Variants in ACP7 observed in about 807,000 individuals in gnomAD.
The protein encoded by ACP7 is acid phosphatase 7, tartrate resistant (putative).
Under a neutral mutation model 60.6 loss-of-function variants are expected in ACP7, and 58 were observed. The ratio of observed to expected loss-of-function variants is 0.96; its 90% CI spans 0.77 to 1.19. The LOEUF is 1.19. Among genes scored for constraint, ACP7 ranks in the 50% most tolerant of loss-of-function variants. The pLI is 0.00. For synonymous variants in ACP7, 237 were observed against 232.6 expected, an observed-to-expected ratio of 1.02 and a Z score of -0.17; for missense variants, 574 against 596.2, an observed-to-expected ratio of 0.96 and a Z score of 0.39.
At chr19:39,084,795 G>A (rs691644) in intron 1 of ACP7, among the ~76,000 whole-genome samples, 40,654 of 151,742 alleles carry the variant, frequency 0.27, 6,396 homozygotes, top group African/African-American at 0.45. Flanking sequence ...CCTCCACCCC[G>A]CTCCCAGACC....
intron 11 of ACP7, among the ~76,000 whole-genome samples, chr19:39,103,448 T>TTTA (rs2073378841): frequency 7.0e-6 from 1 of 142,516 alleles, no homozygotes; most frequent in African/African-American, 2.8e-5. Flanking sequence ...TGTGTTTTTT[T>TTTA]TTTTTTTTTT....
At position 39,098,533 on chromosome 19, in the gene ACP7, C is replaced by T. The variant is rs2073297129; in HGVS notation, c.197C>T (p.Pro66Leu). The T allele has an allele frequency of 1.9e-6, 3 of 1,611,574 alleles. No individual in the cohort carries two copies. Among genetic ancestry groups the T allele is most frequent in the South Asian group, 1.1e-5 (1 of 90,556 alleles). ...TCTGAAGTGCAATTCGGGTTGCAGCCGTCGGGGCCCCTGCCCCTCCGCGCC... is the reference window on the plus strand; with the variant it reads ...TCTGAAGTGCAATTCGGGTTGCAGCTGTCGGGGCCCCTGCCCCTCCGCGCC... ...TRSEVQFGLQ[P>L]SGPLPLRAQG... The change falls in exon 3 of 13, where the codon CCG becomes CTG. Residue 66 changes from proline (P) to leucine (L), a missense_variant. Coordinates refer to ENST00000331256, the MANE Select transcript of ACP7 (RefSeq NM_001004318.3).
intron 12 of ACP7, among the ~76,000 whole-genome samples, chr19:39,108,435 T>C (rs2073435153): frequency 6.6e-6 from 1 of 152,012 alleles, no homozygotes; most frequent in African/African-American, 2.4e-5. Flanking sequence ...GCCACTGTGC[T>C]GGGCCCACTT....
At chr19:39,098,868 TCTC>T (rs1454186481) in intron 3 of ACP7, 89 bp from the exon 4 acceptor site, 1 of 1,434,700 alleles carries the variant, frequency 7.0e-7, no homozygotes, top group East Asian at 2.3e-5. Flanking sequence ...AGTCCCCCCA[TCTC>T]CTCCCCTCCA....
At chr19:39,104,292 T>C (rs2073388884) in intron 11 of ACP7, among the ~76,000 whole-genome samples, 1 of 152,002 alleles carries the variant, frequency 6.6e-6, no homozygotes, top group Admixed American at 6.6e-5. Context: ...AGAGACATGT[T>C]ACTGTATTGC....
intron 2 of ACP7, among the ~76,000 whole-genome samples, chr19:39,088,031 CT>C (rs891498514): frequency 6.6e-6 from 1 of 151,090 alleles, no homozygotes; most frequent in Non-Finnish European, 1.5e-5. Flanking sequence ...ATAGTTTCTT[CT>C]TTTTTTTTAG....
chr19:39,102,715 T>TTTCTTTCTTTCCTTC (rs1555769414), intron 11 of ACP7, among the ~76,000 whole-genome samples: 1 of 118,616 alleles, frequency 8.4e-6, no homozygotes, highest in African/African-American at 3.3e-5. Flanking sequence ...CAATGAAGAC[T>TTTCTTTCTTTCCTTC]TTTCTTTCTT....
At chr19:39,103,542 T>G (rs568039783) in intron 11 of ACP7, among the ~76,000 whole-genome samples, 23 of 148,714 alleles carry the variant, frequency 1.5e-4, no homozygotes, top group African/African-American at 5.9e-4. Context: ...TTTTAAAAAT[T>G]TTGGCCACAT....
At chr19:39,101,386 C>G in intron 10 of ACP7, 31 bp downstream of exon 10, 3 of 1,614,040 alleles carry the variant, frequency 1.9e-6, no homozygotes, top group Non-Finnish European at 2.5e-6. Context: ...AGCGCCCACA[C>G]AGCTGGGGTC....
chr19:39,098,828 A>G (rs965718834), intron 3 of ACP7, 132 bp from the exon 4 acceptor site: 1 of 1,393,908 alleles, frequency 7.2e-7, no homozygotes, highest in Non-Finnish European at 9.6e-7. Flanking sequence ...CGGGGAAGGC[A>G]GACCGAAGGG....
rs1179741064 is a variant in ACP7 at position 39,110,179 on chromosome 19, A to G, written c.*61A>G. ...TGCCGCCTTGGCTGCTGTGACCAGA[A>G]ACTGCCCAGGCCTGGGTGGGGAGTT... On this transcript the variant is annotated 3_prime_UTR_variant, in exon 13 of 13. Transcript: ENST00000331256. 1.3e-6 allele frequency: 2 copies of G among 1,517,972 alleles called. No homozygotes were observed. Among genetic ancestry groups the G allele is most frequent in the Non-Finnish European group, 1.8e-6 (2 of 1,096,172 alleles). The allele number at this position is 1,517,972 out of a possible 1,614,324, so 94.0% of individuals were successfully genotyped here. A position where few individuals can be genotyped will look rare whatever the true frequency, so the allele number is the denominator to read the frequency against.
chr19:39,102,699 C>T (rs907344918), intron 11 of ACP7, among the ~76,000 whole-genome samples: 4 of 123,338 alleles, frequency 3.2e-5, no homozygotes, highest in African/African-American at 1.1e-4. Flanking sequence ...TATTACTAAG[C>T]TGTTCCAATG....
intron 11 of ACP7, among the ~76,000 whole-genome samples, chr19:39,103,441 G>GTGTGTTTTT (rs1230916229): frequency 3.1e-5 from 2 of 64,690 alleles, no homozygotes; most frequent in Non-Finnish European, 5.4e-5. Context: ...ATCATCATGT[G>GTGTGTTTTT]TTTTTTTTTT....
rs577494014 is a variant in ACP7, at chr19:39,106,994, G to A, written c.1161G>A (p.Trp387Ter). Residue 387 changes from tryptophan (W) to a stop codon, truncating the protein, a stop_gained, in exon 12 of 13, where the codon TGG becomes TGA. Coordinates refer to ENST00000331256, the MANE Select transcript of ACP7 (RefSeq NM_001004318.3). LOFTEE classifies it high-confidence loss of function. ...CCTTTGCTGTCTTCCCGAGGCCCTG[G>A]AGTGCCGTGCGTGTGAAGGAGTACG... ...LTPFAVFPRP[W>*]SAVRVKEYGY... 22 of 1,614,040 alleles carry A rather than the reference G, an allele frequency of 1.4e-5. No homozygotes were observed. In the East Asian group the frequency reaches 4.9e-4, roughly 36 times the overall value.
chr19:39,106,434 C>T (rs1022459450), intron 11 of ACP7, among the ~76,000 whole-genome samples: 1 of 152,134 alleles, frequency 6.6e-6, no homozygotes, highest in Non-Finnish European at 1.5e-5. Flanking sequence ...CTTACACAGC[C>T]GTGTACTTTT....
At chr19:39,088,235 C>T (rs1370839782) in intron 2 of ACP7, among the ~76,000 whole-genome samples, 2 of 151,956 alleles carry the variant, frequency 1.3e-5, no homozygotes, top group Non-Finnish European at 2.9e-5. Flanking sequence ...GTTGTCCAGG[C>T]TGGTCTCAAA....
rs987994006 is a variant in ACP7 at position 39,101,152 on chromosome 19, C to T, written c.918C>T (p.Val306=). 1.2e-6 allele frequency: 2 copies of T among 1,614,008 alleles called. No homozygotes were observed. The highest frequency in any genetic ancestry group is 2.7e-5 in the African/African-American group (2 of 74,938). The part of the protein sequence containing the change: ...LDDCTRHESK[V]RKGLQGKLYG... Reference sequence around the variant, plus strand: ...ACCCGCTCATTCACCCTGCCCAGGTCCGCAAAGGCCTCCAAGGCAAGCTGT... The same window carrying T: ...ACCCGCTCATTCACCCTGCCCAGGTTCGCAAAGGCCTCCAAGGCAAGCTGT... Residue 306 remains valine (V), a splice_region_variant and synonymous_variant, in exon 9 of 13, where the codon GTC becomes GTT. Transcript: ENST00000331256.
intron 3 of ACP7, 111 bp downstream of exon 3, chr19:39,098,769 C>CTA: frequency 1.5e-6 from 2 of 1,365,970 alleles, no homozygotes; most frequent in Non-Finnish European, 2.0e-6. Context: ...ACTCCACTGC[C>CTA]TATCTGCAAG....
At chr19:39,096,542 C>G (rs184606509) in intron 2 of ACP7, among the ~76,000 whole-genome samples, 70 of 152,276 alleles carry the variant, frequency 4.6e-4, no homozygotes, top group Non-Finnish European at 8.7e-4. Flanking sequence ...CCACATTTTC[C>G]TGTCTTCTTC....
Sources: allele counts gnomAD v4.1 joint callset (sites outside exome capture counted in the v4.1 genomes callset), GRCh38; gene constraint gnomAD v4.1.1; transcripts MANE v1.5; gene names NCBI Gene and HGNC (gene_info 2026-07-23, HGNC 2026-07-21).